GPHN: variants seen among roughly 807,000 people sequenced by gnomAD.
The protein encoded by GPHN is gephyrin.
In GPHN, 17 loss-of-function variants were observed where a neutral mutation model predicts 95.5. That is an observed-to-expected ratio of 0.18 (90% CI 0.12 to 0.27). The LOEUF is 0.27. GPHN is among the 10% of genes least tolerant of loss of function. GPHN has a pLI of 1.00. For synonymous variants in GPHN, 320 were observed against 322.5 expected, an observed-to-expected ratio of 0.99 and a Z score of 0.08; for missense variants, 660 against 978.1, an observed-to-expected ratio of 0.67 and a Z score of 4.34.
At chr14:66,537,108 A>G (rs955881381) in intron 1 of GPHN, among the ~76,000 whole-genome samples, 3 of 151,564 alleles carry the variant, frequency 2.0e-5, no homozygotes, top group African/African-American at 7.3e-5. Context: ...TCTTCTTTTT[A>G]GTTCAGCCAA....
rs369681377 is a variant in GPHN, at chr14:66,797,021, C to CTTTTTTTTTTTTT, written c.201+20509_201+20521dup. Among the ~76,000 whole-genome samples the CTTTTTTTTTTTTT allele has an allele frequency of 2.4e-3, 193 of 81,202 alleles. 4 individuals are homozygous for CTTTTTTTTTTTTT. The highest frequency in any genetic ancestry group is 4.0e-3 in the Non-Finnish European group (154 of 38,500). The allele number at this position is 81,202 out of a possible 152,430, so 53.3% of individuals were successfully genotyped here. A position where few individuals can be genotyped will look rare whatever the true frequency, so the allele number is the denominator to read the frequency against. ...ATGGTGAGACATAGGTATCTAGTTC[C>CTTTTTTTTTTTTT]TTTTTTTTTTTTTTTTTTTTTGCAT... On this transcript the variant is annotated intron_variant, in intron 3 of 22. Coordinates refer to ENST00000478722, the MANE Select transcript of GPHN (RefSeq NM_020806.5).
intron 5 of GPHN, among the ~76,000 whole-genome samples, chr14:66,903,852 C>A (rs1857139491): frequency 6.6e-6 from 1 of 151,898 alleles, no homozygotes; most frequent in Admixed American, 6.6e-5. Context: ...TAAAAAATAC[C>A]TTATAACAAG....
At chr14:67,390,812 G>T in the GPHN span, 1 of 1,109,082 alleles carries the variant, frequency 9.0e-7, no homozygotes, top group Non-Finnish European at 1.4e-6. Flanking sequence ...CTGTATCTAT[G>T]CATGTAATGC....
At chr14:67,336,752 G>A in the GPHN span, 32 of 456,034 alleles carry the variant, frequency 7.0e-5, no homozygotes, top group Admixed American at 7.0e-4. Context: ...TTGGGAAGAC[G>A]AAATGTTAAA....
the GPHN span, among the ~76,000 whole-genome samples, chr14:67,326,221 ATTTTTTTTTTTTTTTTTT>A: frequency 1.3e-3 from 17 of 12,914 alleles, no homozygotes; most frequent in African/African-American, 2.9e-3. Context: ...TTTAGGTCTG[ATTTTTTTTTTTTTTTTTT>A]TTTTTTTTTT....
intron 3 of GPHN, among the ~76,000 whole-genome samples, chr14:66,798,897 G>A (rs568970685): frequency 6.6e-6 from 1 of 151,468 alleles, no homozygotes; most frequent in East Asian, 1.9e-4. Context: ...TCTTTAAGAT[G>A]CATTATTAGA....
the GPHN span, among the ~76,000 whole-genome samples, chr14:67,365,778 C>A: frequency 6.6e-6 from 1 of 152,296 alleles, no homozygotes; most frequent in African/African-American, 2.4e-5. Context: ...TTCAACTTAC[C>A]CTTCTGAATC....
the GPHN span, among the ~76,000 whole-genome samples, chr14:67,354,498 C>T: frequency 2.0e-5 from 3 of 152,166 alleles, no homozygotes; most frequent in East Asian, 3.9e-4. Context: ...TACAAAAACA[C>T]GTGCAAGGTT....
chr14:67,329,477 C>G, the GPHN span, among the ~76,000 whole-genome samples: 1 of 152,108 alleles, frequency 6.6e-6, no homozygotes, highest in Non-Finnish European at 1.5e-5. Context: ...ATTTCTTTCT[C>G]CTGCCTGATT....
intron 1 of GPHN, among the ~76,000 whole-genome samples, chr14:66,616,636 AG>A (rs1050449208): frequency 2.0e-5 from 3 of 152,128 alleles, no homozygotes; most frequent in Admixed American, 2.0e-4. Context: ...CTATGCCAGT[AG>A]GATTGCTCCT....
At chr14:67,147,680 G>T (rs1248792575) in intron 18 of GPHN, among the ~76,000 whole-genome samples, 3 of 152,140 alleles carry the variant, frequency 2.0e-5, no homozygotes, top group Non-Finnish European at 4.4e-5. Context: ...GGGATTATAG[G>T]CGTGAACCAC....
At chr14:66,587,756 A>G (rs1038018523) in intron 1 of GPHN, among the ~76,000 whole-genome samples, 1 of 152,178 alleles carries the variant, frequency 6.6e-6, no homozygotes, top group African/African-American at 2.4e-5. Context: ...TATAGATAAA[A>G]CTCCCATCTC....
chr14:66,972,132 G>A (rs952582967), intron 9 of GPHN, among the ~76,000 whole-genome samples: 2 of 151,898 alleles, frequency 1.3e-5, no homozygotes, highest in Admixed American at 6.6e-5. Context: ...GCCAGGTGTG[G>A]TGGTACATGC....
the GPHN span, chr14:67,312,673 G>A: frequency 6.2e-7 from 1 of 1,611,722 alleles, no homozygotes; most frequent in South Asian, 1.1e-5. Context: ...ACAGGGAAGG[G>A]GACGAAGATA....
the GPHN span, among the ~76,000 whole-genome samples, chr14:67,671,069 G>T: frequency 6.6e-6 from 1 of 152,224 alleles, no homozygotes; most frequent in Non-Finnish European, 1.5e-5. Context: ...GAGGCACCAT[G>T]TGTTTGCTTA....
chr14:67,664,227 CACTA>C, the GPHN span, among the ~76,000 whole-genome samples: 1 of 152,166 alleles, frequency 6.6e-6, no homozygotes, highest in Non-Finnish European at 1.5e-5. Context: ...GAGCCATCAC[CACTA>C]ACTGTTCTCC....
the GPHN span, among the ~76,000 whole-genome samples, chr14:67,676,463 G>A: frequency 6.6e-6 from 1 of 152,008 alleles, no homozygotes; most frequent in South Asian, 2.1e-4. Flanking sequence ...CGGGTGCTGC[G>A]GCTCACACCT....
At chr14:66,803,417 G>A (rs567069971) in intron 3 of GPHN, among the ~76,000 whole-genome samples, 14 of 152,316 alleles carry the variant, frequency 9.2e-5, no homozygotes, top group African/African-American at 2.9e-4. Flanking sequence ...TTTTACGAAG[G>A]TACTTTTTTT....
intron 1 of GPHN, among the ~76,000 whole-genome samples, chr14:66,593,997 C>T (rs2061868571): frequency 6.6e-6 from 1 of 152,076 alleles, no homozygotes; most frequent in Admixed American, 6.5e-5. Context: ...AATCAACATA[C>T]AATTTTTAGT....
Sources: allele counts gnomAD v4.1 joint callset (sites outside exome capture counted in the v4.1 genomes callset), GRCh38; gene constraint gnomAD v4.1.1; transcripts MANE v1.5; gene names NCBI Gene and HGNC (gene_info 2026-07-23, HGNC 2026-07-21).